Variants in NTRK2 observed in about 807,000 individuals in gnomAD.
NTRK2 encodes the protein neurotrophic receptor tyrosine kinase 2, also known as BDNF/NT-3 growth factors receptor.
In NTRK2, 13 loss-of-function variants were observed where a neutral mutation model predicts 94.5. The ratio of observed to expected loss-of-function variants is 0.14; its 90% CI spans 0.09 to 0.22. The LOEUF is 0.22. NTRK2 is among the 10% of genes least tolerant of loss of function. NTRK2 has a pLI of 1.00. For synonymous variants in NTRK2, 372 were observed against 407.4 expected, an observed-to-expected ratio of 0.91 and a Z score of 1.05; for missense variants, 639 against 1,071.2, an observed-to-expected ratio of 0.60 and a Z score of 5.63.
At chr9:84,992,194 G>A (rs1588134817) in intron 17 of NTRK2, among the ~76,000 whole-genome samples, 1 of 152,064 alleles carries the variant, frequency 6.6e-6, no homozygotes, top group Non-Finnish European at 1.5e-5. Context: ...TTGATACCTG[G>A]GGGTATCAAG....
chr9:85,016,802 C>T (rs1419360580), intron 17 of NTRK2, among the ~76,000 whole-genome samples: 1 of 152,152 alleles, frequency 6.6e-6, no homozygotes, highest in African/African-American at 2.4e-5. Context: ...TCCCACCACT[C>T]ACCCATTTGA....
chr9:84,721,444 G>A (rs1301682576), intron 6 of NTRK2, among the ~76,000 whole-genome samples: 4 of 152,148 alleles, frequency 2.6e-5, no homozygotes, highest in African/African-American at 9.7e-5. Flanking sequence ...CCAAAGTGCT[G>A]GGATTACAGG....
intron 13 of NTRK2, among the ~76,000 whole-genome samples, chr9:84,862,582 T>C: frequency 6.6e-6 from 1 of 152,242 alleles, no homozygotes; most frequent in East Asian, 1.9e-4. Context: ...GCAGAGGTGC[T>C]GCTCTTATAA....
intron 12 of NTRK2, among the ~76,000 whole-genome samples, chr9:84,757,067 A>G (rs912193584): frequency 6.6e-6 from 1 of 152,228 alleles, no homozygotes; most frequent in Non-Finnish European, 1.5e-5. Flanking sequence ...TCAACTTTTA[A>G]GAGGAAAAAA....
At chr9:84,984,488 A>AAACC (rs1828046062) in intron 17 of NTRK2, among the ~76,000 whole-genome samples, 2 of 81,418 alleles carry the variant, frequency 2.5e-5, no homozygotes, top group Admixed American at 1.2e-4. Context: ...ACAAACAAAC[A>AAACC]AACAAACAAA....
intron 11 of NTRK2, among the ~76,000 whole-genome samples, chr9:84,751,433 G>T (rs1164761417): frequency 6.6e-6 from 1 of 152,112 alleles, no homozygotes; most frequent in South Asian, 2.1e-4. Context: ...ACTTAAAAAT[G>T]AGCCAGGTAT....
At chr9:84,674,977 G>C (rs1018712815) in intron 2 of NTRK2, among the ~76,000 whole-genome samples, 1 of 152,134 alleles carries the variant, frequency 6.6e-6, no homozygotes, top group Admixed American at 6.5e-5. Flanking sequence ...CAGAATGCTG[G>C]AGTTAAGAGA....
At chr9:84,774,350 A>C (rs2066832805) in intron 12 of NTRK2, among the ~76,000 whole-genome samples, 1 of 152,140 alleles carries the variant, frequency 6.6e-6, no homozygotes. Flanking sequence ...CTCACTTCTG[A>C]ATCTCAACAG....
intron 17 of NTRK2, among the ~76,000 whole-genome samples, chr9:84,994,129 T>C (rs1829440820): frequency 1.3e-5 from 2 of 152,178 alleles, no homozygotes; most frequent in African/African-American, 4.8e-5. Context: ...CCAAGAACTA[T>C]GTAGGTTCAG....
At chr9:84,780,673 G>A (rs1184524942) in intron 12 of NTRK2, among the ~76,000 whole-genome samples, 2 of 152,208 alleles carry the variant, frequency 1.3e-5, no homozygotes, top group Non-Finnish European at 2.9e-5. Context: ...ATACTAACAT[G>A]GGTACTGTGT....
intron 17 of NTRK2, among the ~76,000 whole-genome samples, chr9:84,980,357 GACTT>G (rs1036120280): frequency 3.9e-5 from 6 of 152,114 alleles, no homozygotes; most frequent in African/African-American, 7.2e-5. Context: ...TTCTTCTTTT[GACTT>G]ACTTACTTAG....
At chr9:84,751,869 T>C in intron 11 of NTRK2, 117 bp from the exon 12 acceptor site, 1 of 803,608 alleles carries the variant, frequency 1.2e-6, no homozygotes, top group Non-Finnish European at 2.2e-6. Flanking sequence ...GAACAAGTGG[T>C]AAGCATTCAA....
chr9:84,877,672 C>T (rs2076119642), intron 14 of NTRK2: 5 of 1,063,622 alleles, frequency 4.7e-6, no homozygotes, highest in South Asian at 4.6e-5. Flanking sequence ...TTATTTCCCT[C>T]TCCCACATTT....
At chr9:84,946,575 G>A (rs2078605107) in intron 15 of NTRK2, among the ~76,000 whole-genome samples, 1 of 152,226 alleles carries the variant, frequency 6.6e-6, no homozygotes, top group Non-Finnish European at 1.5e-5. Flanking sequence ...GGATGTGACA[G>A]CAATGAGGGG....
intron 12 of NTRK2, among the ~76,000 whole-genome samples, chr9:84,846,216 T>C (rs1308539594): frequency 1.3e-5 from 2 of 152,232 alleles, no homozygotes; most frequent in Non-Finnish European, 2.9e-5. Context: ...GGGTTAACAG[T>C]TAAACCTGAT....
At chr9:84,961,158 C>T (rs1824877298) in intron 17 of NTRK2, among the ~76,000 whole-genome samples, 1 of 152,112 alleles carries the variant, frequency 6.6e-6, no homozygotes, top group Admixed American at 6.5e-5. Flanking sequence ...TGTCTAGAAC[C>T]TTTGAAACCA....
intron 14 of NTRK2, among the ~76,000 whole-genome samples, chr9:84,903,852 C>T (rs188050746): frequency 3.9e-5 from 6 of 152,182 alleles, no homozygotes; most frequent in East Asian, 1.9e-4. Context: ...ATCCCTCCCT[C>T]GAGTATTTTT....
At chr9:84,935,521 T>G (rs1245940971) in intron 15 of NTRK2, among the ~76,000 whole-genome samples, 1 of 152,206 alleles carries the variant, frequency 6.6e-6, no homozygotes, top group Non-Finnish European at 1.5e-5. Flanking sequence ...TCCTAAACTC[T>G]GCACTTTGGG....
intron 12 of NTRK2, among the ~76,000 whole-genome samples, chr9:84,820,740 G>A (rs192744170): frequency 1.3e-4 from 20 of 152,106 alleles, no homozygotes; most frequent in Non-Finnish European, 2.1e-4. Context: ...TGTGTATGTC[G>A]GCCAGTGAGC....
Sources: gnomAD v4.1 joint callset for allele counts (sites outside exome capture counted in the v4.1 genomes callset) on GRCh38, gnomAD v4.1.1 for gene constraint, MANE v1.5 for transcripts, NCBI Gene and HGNC (gene_info 2026-07-23, HGNC 2026-07-21) for gene names.